Variants in AP3B1 observed in about 807,000 individuals in gnomAD.
AP3B1 encodes the protein adaptor related protein complex 3 subunit beta 1.
Under a neutral mutation model 132.5 loss-of-function variants are expected in AP3B1, and 61 were observed. The ratio of observed to expected loss-of-function variants is 0.46; its 90% CI spans 0.37 to 0.57. The LOEUF is 0.57. AP3B1 is among the 20% of genes least tolerant of loss of function. The pLI, the probability that AP3B1 is intolerant of heterozygous loss-of-function variation, is 0.00. For synonymous variants in AP3B1, 388 were observed against 438.3 expected (o/e 0.89, Z 1.43); for missense variants, 1,120 against 1,289.4 (o/e 0.87, Z 2.01).
intron 3 of AP3B1, 122 bp downstream of exon 3, chr5:78,240,740 C>T (rs187691154): frequency 3.1e-5 from 22 of 708,502 alleles, no homozygotes; most frequent in African/African-American, 2.8e-4. Context: ...AAATTAAGGA[C>T]ATTTTAATCA....
At chr5:78,117,188 T>C (rs1751884893) in intron 17 of AP3B1, among the ~76,000 whole-genome samples, 1 of 151,688 alleles carries the variant, frequency 6.6e-6, no homozygotes. Flanking sequence ...TTTTTTTTTT[T>C]TTTTAATCAC....
intron 22 of AP3B1, among the ~76,000 whole-genome samples, chr5:78,081,530 C>G (rs1193682214): frequency 6.6e-6 from 1 of 152,010 alleles, no homozygotes; most frequent in African/African-American, 2.4e-5. Context: ...ATCTCCTGAC[C>G]TCGTGATCCG....
Position 78,156,473 on chromosome 5 carries a change from A to G in AP3B1, c.1364-106T>C, listed in dbSNP as rs944193545. ...ATTAGAAAAACATTCTATTTAATACAAGCCTTAAAAGACTATGTGAAAGCA... is the reference window on the plus strand; with the variant it reads ...ATTAGAAAAACATTCTATTTAATACGAGCCTTAAAAGACTATGTGAAAGCA... On this transcript the variant is annotated intron_variant, in intron 13 of 26. Coordinates refer to ENST00000255194, the MANE Select transcript of AP3B1 (RefSeq NM_003664.5). 180 of 840,088 alleles carry G rather than the reference A, an allele frequency of 2.1e-4. 1 individual carries two copies. The East Asian group carries it at 4.8e-3, about 22-fold the overall frequency. 52.0% of individuals were successfully genotyped at this position (840,088 alleles called of 1,614,324 possible). A position where few individuals can be genotyped will look rare whatever the true frequency, so the allele number is the denominator to read the frequency against.
At chr5:78,212,670 A>G (rs1745791463) in intron 7 of AP3B1, among the ~76,000 whole-genome samples, 1 of 152,168 alleles carries the variant, frequency 6.6e-6, no homozygotes, top group Non-Finnish European at 1.5e-5. Flanking sequence ...AAAGGATAAA[A>G]AAGAGAGGTA....
At position 78,228,044 on chromosome 5, in the gene AP3B1, A is replaced by T. The variant is rs186428913; in HGVS notation, c.375+100T>A. The T allele has an allele frequency of 1.5e-5, 11 of 746,632 alleles. No individual in the cohort carries two copies. In the Admixed American group the frequency reaches 3.0e-4, roughly 20 times the overall value. The allele number at this position is 746,632 out of a possible 1,614,324, so 46.3% of individuals were successfully genotyped here. A position where few individuals can be genotyped will look rare whatever the true frequency, so the allele number is the denominator to read the frequency against. On this transcript the variant is annotated intron_variant, in intron 4 of 26. Coordinates refer to ENST00000255194, the MANE Select transcript of AP3B1 (RefSeq NM_003664.5). The stretch of plus-strand genomic sequence containing the variant: ...AGGCTTTTAACTCTTTCAAGACACT[A>T]CTGTGCTATTTAGTGGATTATCGCT...
chr5:78,039,743 A>G (rs939204916), intron 22 of AP3B1, among the ~76,000 whole-genome samples: 8 of 147,630 alleles, frequency 5.4e-5, no homozygotes, highest in African/African-American at 7.6e-5. Flanking sequence ...GCGCCACTGC[A>G]CTCCAGCCTG....
intron 26 of AP3B1, among the ~76,000 whole-genome samples, chr5:78,006,679 T>C (rs1190013359): frequency 1.3e-5 from 2 of 152,202 alleles, no homozygotes; most frequent in African/African-American, 4.8e-5. Context: ...ATAAGTGCGA[T>C]GACAGTTAAA....
chr5:78,159,069 T>G (rs1463933882), intron 13 of AP3B1, among the ~76,000 whole-genome samples: 2 of 152,216 alleles, frequency 1.3e-5, no homozygotes, highest in Non-Finnish European at 2.9e-5. Context: ...CAGAATGAGA[T>G]TCTGCCCTCA....
intron 15 of AP3B1, among the ~76,000 whole-genome samples, chr5:78,130,247 G>A (rs1752631073): frequency 6.6e-6 from 1 of 151,894 alleles, no homozygotes; most frequent in Non-Finnish European, 1.5e-5. Context: ...TAATATATGG[G>A]AAAAATAAAC....
chr5:78,076,445 G>T (rs916390928), intron 22 of AP3B1, among the ~76,000 whole-genome samples: 1 of 152,156 alleles, frequency 6.6e-6, no homozygotes, highest in Non-Finnish European at 1.5e-5. Context: ...TAAACCCTTG[G>T]AATTTCCCCA....
At chr5:78,239,690 G>C (rs903646254) in intron 3 of AP3B1, among the ~76,000 whole-genome samples, 8 of 148,534 alleles carry the variant, frequency 5.4e-5, no homozygotes, top group African/African-American at 2.0e-4. Context: ...GAGGCGGGAG[G>C]ATCGCTTGAG....
At chr5:78,235,840 A>G (rs949760170) in intron 3 of AP3B1, among the ~76,000 whole-genome samples, 1 of 152,190 alleles carries the variant, frequency 6.6e-6, no homozygotes, top group African/African-American at 2.4e-5. Context: ...TACTATAACC[A>G]CTGATTGCTT....
At chr5:78,028,284 AC>A (rs749928014) in intron 24 of AP3B1, among the ~76,000 whole-genome samples, 263 of 151,566 alleles carry the variant, frequency 1.7e-3, no homozygotes, top group Non-Finnish European at 1.9e-3. Context: ...ATATGGTGAA[AC>A]CCTGTCTCTA....
chr5:78,188,563 T>A lies in AP3B1; in HGVS notation c.787-6901A>T, dbSNP rs183137129. 5.9e-5 allele frequency among the ~76,000 whole-genome samples: 9 copies of A among 152,234 alleles called. No individual in the cohort carries two copies. In the East Asian group the frequency reaches 1.7e-3, roughly 29 times the overall value. ...TCATACCACTCAGAATGGCAATTAT[T>A]AAACACTCAAAAAACAGACGCTGGC... On this transcript the variant is annotated intron_variant, in intron 7 of 26. Transcript: ENST00000255194.
chr5:78,134,743 A>G (rs1341923158), intron 15 of AP3B1, among the ~76,000 whole-genome samples: 1 of 152,104 alleles, frequency 6.6e-6, no homozygotes, highest in Non-Finnish European at 1.5e-5. Flanking sequence ...GGGTTTAACC[A>G]CGTTGGTCAG....
rs964038928 is a variant in AP3B1, at chr5:78,181,925, A to G, written c.787-263T>C. Among the ~76,000 whole-genome samples, 5 of 152,184 alleles carry G rather than the reference A, an allele frequency of 3.3e-5. No individual in the cohort carries two copies. In the East Asian group the frequency reaches 9.6e-4, roughly 29 times the overall value. ...AAATTTTTGACTATTAAATCCCCAT[A>G]GAAATACCTATAGTCCTTCAAAAGG... is the stretch of plus-strand genomic sequence containing the variant. On this transcript the variant is annotated intron_variant, in intron 7 of 26. Transcript: ENST00000255194.
chr5:78,225,762 T>C (rs552372725), intron 5 of AP3B1, among the ~76,000 whole-genome samples, 154 bp from the exon 6 acceptor site: 32 of 152,024 alleles, frequency 2.1e-4, no homozygotes, highest in Non-Finnish European at 4.1e-4. Context: ...AATGGGATGG[T>C]TTTTCTCATG....
At chr5:78,253,704 C>T (rs147486341) in intron 2 of AP3B1, among the ~76,000 whole-genome samples, 2 of 152,040 alleles carry the variant, frequency 1.3e-5, no homozygotes, top group African/African-American at 4.8e-5. Flanking sequence ...CGGTGGCTCA[C>T]GCCTGTAATC....
At chr5:78,259,919 G>A (rs1449231937) in intron 2 of AP3B1, among the ~76,000 whole-genome samples, 1 of 151,940 alleles carries the variant, frequency 6.6e-6, no homozygotes, top group Non-Finnish European at 1.5e-5. Context: ...GCAGTGAACT[G>A]AGATTGTGCC....
Sources: allele counts gnomAD v4.1 joint callset (sites outside exome capture counted in the v4.1 genomes callset), GRCh38; gene constraint gnomAD v4.1.1; transcripts MANE v1.5; gene names NCBI Gene and HGNC (gene_info 2026-07-23, HGNC 2026-07-21).